Variants in TRMO observed in about 807,000 individuals in gnomAD.
The protein encoded by TRMO is tRNA (adenine(37)-N6)-methyltransferase.
TRMO carries 30 observed loss-of-function variants against 37.2 expected under a neutral mutation model. The observed-to-expected ratio is 0.81, with a 90% confidence interval of 0.60 to 1.09. The LOEUF (loss-of-function observed/expected upper bound fraction) is 1.09, where lower values mean the gene tolerates loss of function less well. TRMO is among the 50% of genes least tolerant of loss of function. TRMO has a pLI of 0.00. For synonymous variants in TRMO, 239 were observed against 199.4 expected (o/e 1.20, Z -1.67); for missense variants, 552 against 549.5 (o/e 1.00, Z -0.05).
rs1202507329 is a variant in TRMO at position 97,912,887 on chromosome 9, T to C, written c.409+514A>G. ...ACTTCTACAACCTGACCAATGTTTG[T>C]CCTTGTAGTGTGATTCATCCCAGAC... On this transcript the variant is annotated intron_variant, in intron 3 of 4. Coordinates refer to ENST00000375119, the MANE Select transcript of TRMO (RefSeq NM_016481.5). 4 of 1,298,384 alleles carry C rather than the reference T, an allele frequency of 3.1e-6. No individual in the cohort carries two copies. The Admixed American group carries it at 9.2e-5, about 30-fold the overall frequency. 80.4% of individuals were successfully genotyped at this position (1,298,384 alleles called of 1,614,324 possible).
At chr9:97,906,565 T>A (rs1825861516) in intron 4 of TRMO, among the ~76,000 whole-genome samples, 1 of 152,234 alleles carries the variant, frequency 6.6e-6, no homozygotes, top group South Asian at 2.1e-4. Context: ...TTTTGCTGTT[T>A]GCTATCAATC....
At chr9:97,919,452 GAAAA>G (rs1826524730) in intron 1 of TRMO, among the ~76,000 whole-genome samples, 2 of 75,872 alleles carry the variant, frequency 2.6e-5, no homozygotes, top group Admixed American at 2.9e-4. Flanking sequence ...AGAAAGGAAA[GAAAA>G]GAAAAGAAAG....
intron 3 of TRMO, chr9:97,911,214 T>TA (rs1160931080): frequency 4.8e-6 from 1 of 206,912 alleles, no homozygotes; most frequent in Admixed American, 5.6e-5. Context: ...GCAAAAGAGG[T>TA]ATGATGTCCC....
At chr9:97,912,284 C>T (rs1826160898) in intron 3 of TRMO, 1 of 152,632 alleles carries the variant, frequency 6.6e-6, no homozygotes, top group Non-Finnish European at 1.5e-5. Context: ...ACTTGACCTT[C>T]CCAATTGAAA....
At chr9:97,910,683 A>C in intron 3 of TRMO, 67 bp from the exon 4 acceptor site, 5 of 1,557,204 alleles carry the variant, frequency 3.2e-6, no homozygotes, top group Non-Finnish European at 4.3e-6. Context: ...CACGCCCCAG[A>C]ATCCTCTAAC....
chr9:97,905,038 G>A, intron 4 of TRMO, 46 bp from the exon 5 acceptor site: 1 of 1,587,898 alleles, frequency 6.3e-7, no homozygotes, highest in Non-Finnish European at 8.6e-7. Flanking sequence ...CATGCAGGTT[G>A]AATTTAATTA....
At chr9:97,916,089 T>C in intron 2 of TRMO, 75 bp downstream of exon 2, 18 of 1,085,822 alleles carry the variant, frequency 1.7e-5, no homozygotes, top group Non-Finnish European at 2.4e-5. Context: ...ACTCCAAGGT[T>C]GCCTTCAACT....
chr9:97,916,274 T>C lies in TRMO; in HGVS notation c.141A>G (p.Pro47=), dbSNP rs1826356402. Residue 47 remains proline (P), a synonymous_variant, in exon 2 of 5, where the codon CCA becomes CCG. Transcript: ENST00000375119. ...AATAGCTACAAATGGATGGCTGTCT[T>C]GGAGTACCATTCTTGGCCGAGAAAC... ...ESCFSAKNGT[P]RQPSICSYSR... 6.2e-7 allele frequency: 1 copy of C among 1,613,822 alleles called. No homozygotes were observed. The highest frequency in any genetic ancestry group is 8.5e-7 in the Non-Finnish European group (1 of 1,179,800).
At chr9:97,919,895 G>C (rs921996051) in intron 1 of TRMO, among the ~76,000 whole-genome samples, 6 of 152,144 alleles carry the variant, frequency 3.9e-5, no homozygotes, top group African/African-American at 1.4e-4. Context: ...CTTTGAAAGA[G>C]TTCTTCTAAC....
chr9:97,898,025 G>A, the TRMO span, among the ~76,000 whole-genome samples: 1 of 152,182 alleles, frequency 6.6e-6, no homozygotes, highest in Middle Eastern at 3.4e-3. Flanking sequence ...CAGCACGCTT[G>A]GCTTCCTACA....
Position 97,910,448 on chromosome 9 carries a change from C to T in TRMO, c.578G>A (p.Ser193Asn). Residue 193 changes from serine to asparagine, a missense_variant, in exon 4 of 5, where the codon AGC becomes AAC. Transcript: ENST00000375119. ...HTPNTVSQSDSKTDSCDQRQL... is the reference protein window; with the variant it reads ...HTPNTVSQSDNKTDSCDQRQL... ...TCGCTGGTCACAGCTGTCAGTCTTG[C>T]TGTCAGACTGGGACACAGTGTTTGG... is the stretch of plus-strand genomic sequence containing the variant. The T allele has an allele frequency of 6.2e-7, 1 of 1,614,150 alleles. No individual in the cohort carries two copies. The highest frequency in any genetic ancestry group is 8.5e-7 in the Non-Finnish European group (1 of 1,180,006).
At chr9:97,905,229 T>C (rs1209830650) in intron 4 of TRMO, among the ~76,000 whole-genome samples, 1 of 152,194 alleles carries the variant, frequency 6.6e-6, no homozygotes, top group East Asian at 1.9e-4. Context: ...TGGTAGTATT[T>C]TTCCTTAGTC....
At chr9:97,916,443 G>C in intron 1 of TRMO, 105 bp from the exon 2 acceptor site, 1 of 759,806 alleles carries the variant, frequency 1.3e-6, no homozygotes, top group Non-Finnish European at 2.1e-6. Context: ...TAAAATCTTA[G>C]TGTCGTGCAA....
In TRMO at chr9:97,908,779, A is replaced by T. The variant is rs188310400; in HGVS notation, c.1066+1181T>A. On this transcript the variant is annotated intron_variant, in intron 4 of 4. Coordinates refer to ENST00000375119, the MANE Select transcript of TRMO (RefSeq NM_016481.5). ...AGCTCCATGACAGCAGGGGTTTTTT[A>T]TATCTGTTTTGTTCACTGATGTATT... Among the ~76,000 whole-genome samples, 1,046 of 152,252 alleles carry T rather than the reference A, an allele frequency of 6.9e-3. 5 individuals carry two copies. Among genetic ancestry groups the T allele is most frequent in the Non-Finnish European group, 0.01 (695 of 68,004 alleles).
At chr9:97,908,367 G>C (rs1025576879) in intron 4 of TRMO, among the ~76,000 whole-genome samples, 1 of 145,990 alleles carries the variant, frequency 6.8e-6, no homozygotes, top group Non-Finnish European at 1.5e-5. Flanking sequence ...AGCCGAGATC[G>C]AGCCATTGCA....
intron 1 of TRMO, among the ~76,000 whole-genome samples, chr9:97,920,691 C>G (rs1232538148): frequency 6.6e-6 from 1 of 152,176 alleles, no homozygotes; most frequent in Non-Finnish European, 1.5e-5. Context: ...ACAGGATTGT[C>G]TACACGTCTT....
chr9:97,916,563 T>C (rs1826372361), intron 1 of TRMO, among the ~76,000 whole-genome samples: 1 of 152,126 alleles, frequency 6.6e-6, no homozygotes, highest in Non-Finnish European at 1.5e-5. Context: ...CCTTTAGATA[T>C]ACTAGAAAGA....
chr9:97,910,807 C>T (rs1564108387), intron 3 of TRMO, 191 bp from the exon 4 acceptor site: 1 of 654,604 alleles, frequency 1.5e-6, no homozygotes, highest in Non-Finnish European at 2.6e-6. Context: ...CTATCAAACT[C>T]CTACTTGCTC....
the TRMO span, among the ~76,000 whole-genome samples, chr9:97,897,173 A>C: frequency 1.3e-5 from 2 of 152,384 alleles, no homozygotes; most frequent in Middle Eastern, 6.8e-3. Flanking sequence ...ATCCTTTAAA[A>C]ATAAAAACAG....
Sources: allele counts gnomAD v4.1 joint callset (sites outside exome capture counted in the v4.1 genomes callset), GRCh38; gene constraint gnomAD v4.1.1; transcripts MANE v1.5; gene names NCBI Gene and HGNC (gene_info 2026-07-23, HGNC 2026-07-21).